AFG2A: variants seen among roughly 807,000 people sequenced by gnomAD.
AFG2A encodes the protein ATPase family gene 2 protein homolog A.
chr4:123,226,560 C>T, the AFG2A span, among the ~76,000 whole-genome samples: 5 of 152,090 alleles, frequency 3.3e-5, no homozygotes, highest in African/African-American at 1.2e-4. Flanking sequence ...GGAATGAAGC[C>T]CACTTGATCA....
chr4:123,293,648 C>T, the AFG2A span, among the ~76,000 whole-genome samples: 1,697 of 152,212 alleles, frequency 0.011, 25 homozygotes, highest in African/African-American at 0.038. Context: ...ATATGGCAGC[C>T]GCTACTACAG....
the AFG2A span, among the ~76,000 whole-genome samples, chr4:123,017,187 GAAA>G: frequency 1.7e-5 from 1 of 57,450 alleles, no homozygotes; most frequent in Non-Finnish European, 3.2e-5. Flanking sequence ...GGGGGAGAGG[GAAA>G]GGGAGAGGGA....
chr4:123,185,562 T>TTCAA, the AFG2A span, among the ~76,000 whole-genome samples: 22 of 152,278 alleles, frequency 1.4e-4, no homozygotes, highest in African/African-American at 5.3e-4. Context: ...CAGGTCTGAT[T>TTCAA]TCAAATTTCA....
the AFG2A span, among the ~76,000 whole-genome samples, chr4:123,249,589 A>G: frequency 6.6e-6 from 1 of 152,198 alleles, no homozygotes; most frequent in Non-Finnish European, 1.5e-5. Flanking sequence ...AACAACTAGC[A>G]CAGCAGTTAT....
the AFG2A span, among the ~76,000 whole-genome samples, chr4:123,046,599 G>A: frequency 6.6e-6 from 1 of 152,068 alleles, no homozygotes; most frequent in African/African-American, 2.4e-5. Flanking sequence ...GGGATAATTG[G>A]AGTCTTCATC....
chr4:123,087,627 G>A, the AFG2A span, among the ~76,000 whole-genome samples: 3 of 152,114 alleles, frequency 2.0e-5, no homozygotes, highest in African/African-American at 4.8e-5. Context: ...GAGGGACCCC[G>A]CTCTATGACT....
At chr4:122,983,686 T>C in the AFG2A span, among the ~76,000 whole-genome samples, 1 of 152,236 alleles carries the variant, frequency 6.6e-6, no homozygotes, top group Non-Finnish European at 1.5e-5. Context: ...ATGATTTTAG[T>C]CTTCTTAAAC....
chr4:123,067,915 A>G, the AFG2A span, among the ~76,000 whole-genome samples: 1 of 152,208 alleles, frequency 6.6e-6, no homozygotes, highest in Admixed American at 6.5e-5. Flanking sequence ...TTGGTTGGTC[A>G]GATTTGGTCT....
the AFG2A span, chr4:122,933,615 A>G: frequency 1.4e-6 from 1 of 717,514 alleles, no homozygotes; most frequent in Admixed American, 3.0e-5. Flanking sequence ...CTTTGAGAAT[A>G]TTCCCCTCAA....
At chr4:123,297,198 A>G in the AFG2A span, among the ~76,000 whole-genome samples, 1 of 152,220 alleles carries the variant, frequency 6.6e-6, no homozygotes, top group Admixed American at 6.5e-5. Flanking sequence ...AATAGATTTA[A>G]CACAAAGATA....
At chr4:123,272,878 A>G in the AFG2A span, among the ~76,000 whole-genome samples, 2 of 152,144 alleles carry the variant, frequency 1.3e-5, no homozygotes, top group Admixed American at 1.3e-4. Flanking sequence ...ATATTCATAG[A>G]ATGGAAGAGA....
chr4:122,936,573 G>A, the AFG2A span, among the ~76,000 whole-genome samples: 1 of 152,186 alleles, frequency 6.6e-6, no homozygotes, highest in Non-Finnish European at 1.5e-5. Context: ...GGCTGGGTGT[G>A]GTGGCTCATG....
the AFG2A span, among the ~76,000 whole-genome samples, chr4:122,942,565 T>C: frequency 6.6e-6 from 1 of 152,348 alleles, no homozygotes; most frequent in Admixed American, 6.5e-5. Flanking sequence ...TCAATTTTGT[T>C]CATCCTTCCA....
chr4:123,212,285 A>G, the AFG2A span, among the ~76,000 whole-genome samples: 3 of 152,044 alleles, frequency 2.0e-5, no homozygotes, highest in Non-Finnish European at 4.4e-5. Context: ...TCGCCTGCAT[A>G]CAACTCAGAC....
the AFG2A span, among the ~76,000 whole-genome samples, chr4:123,105,895 G>A: frequency 6.6e-6 from 1 of 152,178 alleles, no homozygotes; most frequent in Admixed American, 6.5e-5. Context: ...TGGTAACTGA[G>A]GATTTAGTAT....
the AFG2A span, among the ~76,000 whole-genome samples, chr4:122,989,941 C>T: frequency 6.6e-6 from 1 of 152,174 alleles, no homozygotes; most frequent in Non-Finnish European, 1.5e-5. Flanking sequence ...ACTGCAGCTT[C>T]AGTCTCCTGA....
chr4:122,938,309 G>A, the AFG2A span: 1 of 1,369,812 alleles, frequency 7.3e-7, no homozygotes, highest in Non-Finnish European at 9.5e-7. Context: ...TATGTGTAGT[G>A]GTAAAAACTA....
the AFG2A span, among the ~76,000 whole-genome samples, chr4:123,212,913 A>C: frequency 1.3e-5 from 2 of 152,170 alleles, no homozygotes; most frequent in Non-Finnish European, 2.9e-5. Context: ...TACATGATTA[A>C]ATGAGACAAT....
chr4:123,178,886 A>G, the AFG2A span, among the ~76,000 whole-genome samples: 1 of 152,188 alleles, frequency 6.6e-6, no homozygotes, highest in African/African-American at 2.4e-5. Flanking sequence ...CTGTGCTTCC[A>G]TCAGTCCCTG....
Sources: gnomAD v4.1 joint callset for allele counts (sites outside exome capture counted in the v4.1 genomes callset) on GRCh38, gnomAD v4.1.1 for gene constraint, MANE v1.5 for transcripts, NCBI Gene and HGNC (gene_info 2026-07-23, HGNC 2026-07-21) for gene names.